The following GRM5 variants were observed in gnomAD, a reference collection of about 807,000 sequenced individuals.
GRM5 encodes metabotropic glutamate receptor 5.
In GRM5, 19 loss-of-function variants were observed where a neutral mutation model predicts 83.1. The ratio of observed to expected loss-of-function variants is 0.23; its 90% CI spans 0.16 to 0.34. The LOEUF is 0.34. Ranked by LOEUF, GRM5 falls within the 10% of genes least tolerant of loss-of-function variation. The probability of loss-of-function intolerance (pLI) is 1.00; values close to 1 mark genes in which losing one functional copy is unlikely to be tolerated. For synonymous variants in GRM5, 675 were observed against 633.6 expected, an observed-to-expected ratio of 1.07 and a Z score of -0.98; for missense variants, 1,160 against 1,588.3, an observed-to-expected ratio of 0.73 and a Z score of 4.58.
At chr11:88,565,845 A>G (rs2135169134) in intron 8 of GRM5, among the ~76,000 whole-genome samples, 1 of 152,358 alleles carries the variant, frequency 6.6e-6, no homozygotes, top group South Asian at 2.1e-4. Flanking sequence ...AGGTAAGAGT[A>G]CAAGTTAATA....
At chr11:88,700,474 C>A (rs920460990) in intron 3 of GRM5, among the ~76,000 whole-genome samples, 1 of 152,110 alleles carries the variant, frequency 6.6e-6, no homozygotes, top group Non-Finnish European at 1.5e-5. Context: ...CAGCTGGGTC[C>A]CCAGTATGGC....
chr11:88,684,868 G>A (rs1314942423), intron 3 of GRM5, among the ~76,000 whole-genome samples: 2 of 152,102 alleles, frequency 1.3e-5, no homozygotes, highest in African/African-American at 4.8e-5. Flanking sequence ...ATGATTCTGA[G>A]GCCTTGCCAG....
chr11:88,883,148 G>A (rs1222591020), intron 2 of GRM5, among the ~76,000 whole-genome samples: 1 of 152,172 alleles, frequency 6.6e-6, no homozygotes, highest in African/African-American at 2.4e-5. Flanking sequence ...GGTTGAGTGA[G>A]GTACTTCTGT....
chr11:88,802,429 C>T (rs928657841), intron 3 of GRM5, among the ~76,000 whole-genome samples: 2 of 152,048 alleles, frequency 1.3e-5, no homozygotes, highest in African/African-American at 4.8e-5. Flanking sequence ...ATAAATGAAA[C>T]AACTCAGAAA....
chr11:88,966,765 T>C (rs2134995332), intron 2 of GRM5, among the ~76,000 whole-genome samples: 1 of 152,268 alleles, frequency 6.6e-6, no homozygotes, highest in Non-Finnish European at 1.5e-5. Flanking sequence ...CCCCTGGGTA[T>C]GAGATGAATA....
At chr11:88,805,704 G>A (rs1391073254) in intron 3 of GRM5, among the ~76,000 whole-genome samples, 1 of 152,060 alleles carries the variant, frequency 6.6e-6, no homozygotes, top group Non-Finnish European at 1.5e-5. Context: ...TATGTCTTAT[G>A]GTTAATGTTT....
intron 3 of GRM5, among the ~76,000 whole-genome samples, chr11:88,763,444 A>C (rs912416635): frequency 6.6e-6 from 1 of 151,828 alleles, no homozygotes; most frequent in East Asian, 1.9e-4. Flanking sequence ...TTACATAATC[A>C]AACACTAAAA....
chr11:88,803,875 G>T (rs1185125000), intron 3 of GRM5, among the ~76,000 whole-genome samples: 26 of 152,176 alleles, frequency 1.7e-4, no homozygotes, highest in Admixed American at 1.7e-3. Context: ...AGTGGGCGAA[G>T]GACATGAACA....
At chr11:88,755,814 T>C (rs1565215990) in intron 3 of GRM5, among the ~76,000 whole-genome samples, 1 of 152,072 alleles carries the variant, frequency 6.6e-6, no homozygotes, top group Non-Finnish European at 1.5e-5. Context: ...ATTGTCAAGG[T>C]GAGAATTTTC....
At chr11:88,571,400 G>T (rs1942998597) in intron 7 of GRM5, among the ~76,000 whole-genome samples, 1 of 152,080 alleles carries the variant, frequency 6.6e-6, no homozygotes, top group Non-Finnish European at 1.5e-5. Context: ...CATTTAGTTT[G>T]ATGCCTTCAT....
intron 1 of GRM5, among the ~76,000 whole-genome samples, chr11:89,053,895 A>T (rs1320935092): frequency 6.6e-6 from 1 of 152,178 alleles, no homozygotes; most frequent in Non-Finnish European, 1.5e-5. Context: ...CAGACTTAAT[A>T]TTTAGTGTGC....
chr11:88,933,187 ATTTTT>A lies in GRM5; in HGVS notation c.662-83037_662-83033del, dbSNP rs57318577. ...GGTCTGCAATTCAAATATTTGGGGC[ATTTTT>A]TTTTTTTTTTTTTTTGCTAAGCATA... On this transcript the variant is annotated intron_variant, in intron 2 of 9. Coordinates refer to ENST00000305447, the MANE Select transcript of GRM5 (RefSeq NM_001143831.3). Among the ~76,000 whole-genome samples, 42 of 106,298 alleles carry A rather than the reference ATTTTT, an allele frequency of 4.0e-4. 1 individual carries two copies. The highest frequency in any genetic ancestry group is 3.7e-3 in the South Asian group (12 of 3,270). The allele number at this position is 106,298 out of a possible 152,430, so 69.7% of individuals were successfully genotyped here.
intron 2 of GRM5, among the ~76,000 whole-genome samples, chr11:88,944,736 G>A (rs116616026): frequency 0.017 from 2,521 of 151,840 alleles, 70 homozygotes; most frequent in African/African-American, 0.058. Flanking sequence ...ATCCAGCTAT[G>A]ACAAAACCAC....
chr11:88,581,266 A>G (rs556135751), intron 7 of GRM5, among the ~76,000 whole-genome samples: 3 of 152,362 alleles, frequency 2.0e-5, no homozygotes, highest in African/African-American at 7.2e-5. Context: ...TAGAGTGATA[A>G]TAGTATTCTT....
intron 2 of GRM5, among the ~76,000 whole-genome samples, chr11:88,882,274 A>AATAAATAATAG (rs1944968955): frequency 6.6e-6 from 1 of 151,294 alleles, no homozygotes; most frequent in African/African-American, 2.4e-5. Context: ...ATAAATAATA[A>AATAAATAATAG]AAAGAAAAAT....
chr11:88,788,534 T>G (rs1647092648), intron 3 of GRM5, among the ~76,000 whole-genome samples: 2 of 152,296 alleles, frequency 1.3e-5, no homozygotes, highest in Middle Eastern at 3.4e-3. Flanking sequence ...TTATATTTTA[T>G]TCCACAGGGT....
At chr11:88,857,244 C>A (rs1461717730) in intron 2 of GRM5, among the ~76,000 whole-genome samples, 1 of 151,996 alleles carries the variant, frequency 6.6e-6, no homozygotes, top group Non-Finnish European at 1.5e-5. Flanking sequence ...TTCTCCATAC[C>A]TTCACCATTA....
At chr11:89,031,362 TTTG>T (rs1345684819) in intron 2 of GRM5, among the ~76,000 whole-genome samples, 3 of 151,998 alleles carry the variant, frequency 2.0e-5, no homozygotes, top group African/African-American at 7.2e-5. Context: ...TATTTTTGTT[TTTG>T]TTGTTATTAA....
At position 88,684,571 on chromosome 11, in the gene GRM5, A is replaced by G. The variant is rs78777509; in HGVS notation, c.912-31168T>C. 5.9e-3 allele frequency among the ~76,000 whole-genome samples: 900 copies of G among 152,342 alleles called. 4 individuals are homozygous for G. Among genetic ancestry groups the G allele is most frequent in the African/African-American group, 0.02 (837 of 41,582 alleles). The stretch of plus-strand genomic sequence containing the variant: ...GGCTTGAAGAAGGCATGGTAGAAAC[A>G]TAACTGAGGTGGAAGTGTCTGGTGC... On this transcript the variant is annotated intron_variant, in intron 3 of 9. Transcript: ENST00000305447.
Sources: allele counts gnomAD v4.1 joint callset (sites outside exome capture counted in the v4.1 genomes callset), GRCh38; gene constraint gnomAD v4.1.1; transcripts MANE v1.5; gene names NCBI Gene and HGNC (gene_info 2026-07-23, HGNC 2026-07-21).